Variants in DCAKD observed in about 807,000 individuals in gnomAD.
DCAKD encodes the protein dephospho-CoA kinase domain containing.
A neutral mutation model predicts 18.7 loss-of-function variants in DCAKD; 15 were observed. The ratio of observed to expected loss-of-function variants is 0.80; its 90% confidence interval spans 0.54 to 1.24. DCAKD has a LOEUF of 1.24. Ranked by LOEUF, DCAKD falls within the 50% of genes most tolerant of loss-of-function variation. The probability of loss-of-function intolerance (pLI) is 0.00; values close to 1 mark genes in which losing one functional copy is unlikely to be tolerated. For missense variants in DCAKD, 301 were observed against 322.0 expected (o/e 0.93, Z 0.50); for synonymous variants, 130 against 133.0 (o/e 0.98, Z 0.16).
intron 4 of DCAKD, 24 bp downstream of exon 4, chr17:45,030,068 A>C: frequency 6.3e-7 from 1 of 1,597,362 alleles, no homozygotes; most frequent in Non-Finnish European, 8.6e-7. Flanking sequence ...CCTCCCTTCC[A>C]GCCAGGGCAT....
At chr17:45,034,142 C>T (rs1221117443) in intron 3 of DCAKD, 45 bp downstream of exon 3, 3 of 1,612,348 alleles carry the variant, frequency 1.9e-6, no homozygotes, top group South Asian at 2.2e-5. Context: ...AGGGCCCTGG[C>T]CCTGGAAGGA....
At chr17:45,061,056 A>G in exon 1 of DCAKD, 3 of 1,219,074 alleles carry the variant, frequency 2.5e-6, no homozygotes, top group Non-Finnish European at 3.1e-6. Context: ...CCCGGTTCCC[A>G]AGGGTCGGTC....
intron 3 of DCAKD, among the ~76,000 whole-genome samples, chr17:45,033,143 T>G (rs1432502105): frequency 6.6e-6 from 1 of 152,162 alleles, no homozygotes; most frequent in Non-Finnish European, 1.5e-5. Flanking sequence ...GCCAGGAGTT[T>G]GAGACCACTT....
At chr17:45,058,833 GCT>G (rs757238318) in intron 1 of DCAKD, among the ~76,000 whole-genome samples, 2 of 152,174 alleles carry the variant, frequency 1.3e-5, no homozygotes, top group Non-Finnish European at 2.9e-5. Context: ...TGTGGTGACA[GCT>G]CTCAGACTGA....
chr17:45,054,021 A>G (rs1567854269), upstream of DCAKD: 2 of 505,758 alleles, frequency 4.0e-6, no homozygotes, highest in East Asian at 1.2e-4. Flanking sequence ...GGAATTAAGT[A>G]ATTTAACATC....
upstream of DCAKD, among the ~76,000 whole-genome samples, chr17:45,053,253 T>TTTGG (rs1162150551): frequency 1.2e-5 from 1 of 85,510 alleles, no homozygotes; most frequent in East Asian, 2.4e-4. Context: ...TTTTTTTTTG[T>TTTGG]TTGGTTTGTT....
chr17:45,053,073 G>T (rs1449787007), upstream of DCAKD, among the ~76,000 whole-genome samples: 1 of 146,788 alleles, frequency 6.8e-6, no homozygotes, highest in Non-Finnish European at 1.5e-5. Flanking sequence ...TGAGGCAGGA[G>T]GATTGCTTGA....
intron 3 of DCAKD, chr17:45,030,939 C>A: frequency 2.0e-6 from 2 of 981,574 alleles, no homozygotes; most frequent in Non-Finnish European, 2.4e-6. Context: ...AGCACCCCCA[C>A]CCACTGTGAG....
At chr17:45,029,214 C>G (rs1015447018) in intron 4 of DCAKD, among the ~76,000 whole-genome samples, 1 of 152,204 alleles carries the variant, frequency 6.6e-6, no homozygotes, top group African/African-American at 2.4e-5. Context: ...TGCGTCCCTG[C>G]ATTGGGCTCA....
At chr17:45,052,840 G>A (rs893765531), upstream of DCAKD, among the ~76,000 whole-genome samples, 4 of 151,758 alleles carry the variant, frequency 2.6e-5, no homozygotes, top group Admixed American at 2.6e-4. Context: ...TCCAGCCTGG[G>A]CAACAAAACG....
At chr17:45,029,258 T>C (rs1047924423) in intron 4 of DCAKD, among the ~76,000 whole-genome samples, 1 of 152,140 alleles carries the variant, frequency 6.6e-6, no homozygotes, top group Non-Finnish European at 1.5e-5. Flanking sequence ...CGACAGCCCA[T>C]GGGGACCCAG....
chr17:45,053,141 GAGACTACAGCA>G (rs1330404316), upstream of DCAKD, among the ~76,000 whole-genome samples: 25 of 128,112 alleles, frequency 2.0e-4, no homozygotes, highest in African/African-American at 7.4e-4. Flanking sequence ...TCCAGCCTGG[GAGACTACAGCA>G]AGACTCTGTC....
At chr17:45,025,261 T>C (rs901320977) in intron 4 of DCAKD, among the ~76,000 whole-genome samples, 4 of 152,116 alleles carry the variant, frequency 2.6e-5, no homozygotes, top group Non-Finnish European at 1.5e-5. Flanking sequence ...CTTGCTGCTA[T>C]ACCCCTCCCC....
intron 4 of DCAKD, among the ~76,000 whole-genome samples, chr17:45,028,856 C>G (rs2053113753): frequency 6.6e-6 from 1 of 151,714 alleles, no homozygotes. Flanking sequence ...AGGTGCCCGC[C>G]ACAACACCGG....
intron 1 of DCAKD, among the ~76,000 whole-genome samples, chr17:45,058,471 G>A (rs1051073739): frequency 6.6e-6 from 1 of 151,768 alleles, no homozygotes. Flanking sequence ...CCAGGCTGGA[G>A]TGCAGTGGCA....
At chr17:45,034,458 C>T in intron 2 of DCAKD, 68 bp from the exon 3 acceptor site, 1 of 1,566,102 alleles carries the variant, frequency 6.4e-7, no homozygotes, top group Non-Finnish European at 8.7e-7. Flanking sequence ...CCTCAGTGAC[C>T]AGGGGCAAAA....
In DCAKD at chr17:45,040,303, C is replaced by G. The variant is rs112541654; in HGVS notation, c.-114-5304G>C. 9.4e-3 allele frequency among the ~76,000 whole-genome samples: 1,403 copies of G among 149,460 alleles called. 17 individuals carry two copies. Among genetic ancestry groups the G allele is most frequent in the African/African-American group, 0.033 (1,336 of 40,398 alleles). On this transcript the variant is annotated intron_variant, in intron 1 of 4. Coordinates refer to ENST00000651974, the MANE Select transcript of DCAKD (RefSeq NM_001288655.2). ...TCGGGAGACTGAGGCAGGAGAATTG[C>G]TTGAACCCGGGAGGCGGAGGTTGCG...
In DCAKD at chr17:45,024,547, A is replaced by C. The variant is rs750553150; in HGVS notation, c.582T>G (p.Thr194=). The C allele has an allele frequency of 1.2e-6, 2 of 1,614,038 alleles. No individual in the cohort carries two copies. The highest frequency in any genetic ancestry group is 1.7e-6 in the Non-Finnish European group (2 of 1,180,018). ...VTKRQVILLH[T]ELERSLEYLP... ...GGTACTCCAGGGAGCGCTCCAGCTC[A>C]GTGTGCAAGAGGATGACCTGGCGTT... Residue 194 remains threonine, a synonymous_variant, in exon 5 of 5, where the codon ACT becomes ACG. Coordinates refer to ENST00000651974, the MANE Select transcript of DCAKD (RefSeq NM_001288655.2).
rs2052999500 is a variant in DCAKD, at chr17:45,024,133, G to C, written c.*300C>G. On this transcript the variant is annotated 3_prime_UTR_variant, in exon 5 of 5. Transcript: ENST00000651974. ...CCCACAGAAATGTATAGCAGTCTCT[G>C]ACTGTTGCTTTCACACACCATCACG... The C allele has an allele frequency of 1.4e-5, 5 of 369,144 alleles. No individual in the cohort carries two copies. In the Admixed American group the frequency reaches 1.5e-4, roughly 11 times the overall value. The allele number at this position is 369,144 out of a possible 1,614,324, so 22.9% of individuals were successfully genotyped here.
Sources: allele counts gnomAD v4.1 joint callset (sites outside exome capture counted in the v4.1 genomes callset), GRCh38; gene constraint gnomAD v4.1.1; transcripts MANE v1.5; gene names NCBI Gene and HGNC (gene_info 2026-07-23, HGNC 2026-07-21).